Variants in TRIM23 observed in about 807,000 individuals in gnomAD.
TRIM23 encodes the protein tripartite motif containing 23.
A neutral mutation model predicts 71.0 loss-of-function variants in TRIM23; 27 were observed. That is an observed-to-expected ratio of 0.38 (90% CI 0.28 to 0.52). TRIM23 has a LOEUF of 0.52. Ranked by LOEUF, TRIM23 falls within the 20% of genes least tolerant of loss-of-function variation. TRIM23 has a pLI of 0.84. For missense variants in TRIM23, 482 were observed against 692.3 expected (o/e 0.70, Z 3.41); for synonymous variants, 234 against 238.0 (o/e 0.98, Z 0.16).
chr5:65,618,694 A>G (rs1232817871), intron 1 of TRIM23, among the ~76,000 whole-genome samples: 1 of 152,254 alleles, frequency 6.6e-6, no homozygotes, highest in Non-Finnish European at 1.5e-5. Flanking sequence ...TACTGAGATA[A>G]CAATTACCCC....
intron 10 of TRIM23, among the ~76,000 whole-genome samples, chr5:65,592,716 G>A (rs1474940717): frequency 6.6e-6 from 1 of 152,172 alleles, no homozygotes; most frequent in Non-Finnish European, 1.5e-5. Context: ...GCACACTCAT[G>A]CAAAGAGACA....
In TRIM23 at chr5:65,597,160, TCCAATGTGAA is replaced by T; in HGVS notation, c.1190_1199del (p.Val397AspfsTer11). The T allele has an allele frequency of 6.2e-7, 1 of 1,614,168 alleles. No individual in the cohort carries two copies. Among genetic ancestry groups the T allele is most frequent in the South Asian group, 1.1e-5 (1 of 91,090 alleles). ...TAACGACCCGAATTTCCATTTTTGGTCCAATGTGAACTCGATTATCCTACAATTTAAATAT... is the reference window on the plus strand; with the variant it reads ...TAACGACCCGAATTTCCATTTTTGGTCTCGATTATCCTACAATTTAAATAT... On this transcript the variant is annotated frameshift_variant, in exon 8 of 11. Transcript: ENST00000231524. LOFTEE classifies it high-confidence loss of function.
intron 8 of TRIM23, 74 bp downstream of exon 8, chr5:65,596,977 T>C: frequency 6.4e-7 from 1 of 1,567,740 alleles, no homozygotes; most frequent in Non-Finnish European, 8.7e-7. Flanking sequence ...CAGATCAGTA[T>C]CAAATAAGAC....
chr5:65,616,200 G>A (rs1283069446), intron 2 of TRIM23, among the ~76,000 whole-genome samples: 1 of 152,190 alleles, frequency 6.6e-6, no homozygotes, highest in African/African-American at 2.4e-5. Context: ...TTGGACTAGA[G>A]AGAAATTCTG....
chr5:65,605,904 C>T (rs975048359), intron 6 of TRIM23, among the ~76,000 whole-genome samples: 2 of 152,192 alleles, frequency 1.3e-5, no homozygotes, highest in Admixed American at 6.5e-5. Flanking sequence ...GCATGCCCTA[C>T]GTACAATCTG....
chr5:65,596,788 A>AC (rs1464641167), intron 8 of TRIM23, among the ~76,000 whole-genome samples: 3 of 151,134 alleles, frequency 2.0e-5, no homozygotes, highest in Non-Finnish European at 4.4e-5. Context: ...TTCCACAACT[A>AC]CCCCCCACCC....
At chr5:65,596,878 T>A (rs141970419) in intron 8 of TRIM23, among the ~76,000 whole-genome samples, 173 bp downstream of exon 8, 72 of 152,236 alleles carry the variant, frequency 4.7e-4, no homozygotes, top group African/African-American at 1.6e-3. Context: ...TTTATCCCCA[T>A]CCACATTTCA....
intron 7 of TRIM23, among the ~76,000 whole-genome samples, chr5:65,597,445 C>G (rs1420272638): frequency 6.6e-6 from 1 of 152,006 alleles, no homozygotes; most frequent in East Asian, 1.9e-4. Context: ...CAAATGAATC[C>G]TCTAAATCTT....
At chr5:65,605,078 T>C in intron 6 of TRIM23, 33 bp from the exon 7 acceptor site, 3 of 1,548,162 alleles carry the variant, frequency 1.9e-6, no homozygotes, top group Non-Finnish European at 2.6e-6. Context: ...TCTTATAAAC[T>C]TTTTATAAGA....
rs897736925 is a variant in TRIM23, at chr5:65,609,536, C to T, written c.829-78G>A. 3 of 1,434,028 alleles carry T rather than the reference C, an allele frequency of 2.1e-6. No individual in the cohort carries two copies. In the African/African-American group the frequency reaches 4.3e-5, roughly 21 times the overall value. 88.8% of individuals were successfully genotyped at this position (1,434,028 alleles called of 1,614,324 possible). ...CCTGTGAAATATTTAAAATTTCAGC[C>T]TAGGCAACATGGCAAAACTCTGTCT... On this transcript the variant is annotated intron_variant, in intron 5 of 10. Transcript: ENST00000231524.
At chr5:65,593,471 A>G (rs1331343379) in intron 10 of TRIM23, among the ~76,000 whole-genome samples, 3 of 152,190 alleles carry the variant, frequency 2.0e-5, no homozygotes, top group Non-Finnish European at 4.4e-5. Flanking sequence ...AAGTCTGAGG[A>G]TTATAAAACA....
At chr5:65,606,575 G>A (rs185824766) in intron 6 of TRIM23, among the ~76,000 whole-genome samples, 1 of 151,524 alleles carries the variant, frequency 6.6e-6, no homozygotes, top group East Asian at 1.9e-4. Flanking sequence ...TCTGTCCTTC[G>A]CTTATTCTAC....
rs1754024867 is a variant in TRIM23, at chr5:65,591,507, AAT to A, written c.*260_*261del. On this transcript the variant is annotated 3_prime_UTR_variant, in exon 11 of 11. Transcript: ENST00000231524. Reference sequence around the variant, plus strand: ...GGTCACATATTATCTGAAAAACTTAAATAACAAATATACTTTTTAAAAGAATG... The same window carrying A: ...GGTCACATATTATCTGAAAAACTTAAAACAAATATACTTTTTAAAAGAATG... 6.4e-7 allele frequency: 1 copy of A among 1,559,392 alleles called. No homozygotes were observed. Among genetic ancestry groups the A allele is most frequent in the African/African-American group, 1.4e-5 (1 of 72,536 alleles).
chr5:65,605,635 C>T (rs771381015), intron 6 of TRIM23, among the ~76,000 whole-genome samples: 55 of 151,974 alleles, frequency 3.6e-4, no homozygotes, highest in East Asian at 1.9e-4. Flanking sequence ...TACATGTATT[C>T]GTTAAAAAAA....
chr5:65,619,737 G>A lies in TRIM23; in HGVS notation c.82-1482C>T, dbSNP rs554426754. Among the ~76,000 whole-genome samples the A allele has an allele frequency of 3.3e-4, 51 of 152,264 alleles. No homozygotes were observed. In the South Asian group the frequency reaches 0.011, roughly 32 times the overall value. On this transcript the variant is annotated intron_variant, in intron 1 of 10. Transcript: ENST00000231524. ...ACATAACATTGTTCAGAGAAAAGAA[G>A]ATGAAAATTCTTTACGTGAAAAGAT...
chr5:65,602,371 G>A lies in TRIM23; in HGVS notation c.1179+2540C>T, dbSNP rs1378447238. Among the ~76,000 whole-genome samples the A allele has an allele frequency of 6.6e-5, 10 of 151,978 alleles. No individual in the cohort carries two copies. In the East Asian group the frequency reaches 9.6e-4, roughly 15 times the overall value. ...CGTTCCAGTTCCCAAAAAGTTCCTC[G>A]TCTCCCTCTGAGACCACCTCAGCCT... On this transcript the variant is annotated intron_variant, in intron 7 of 10. Transcript: ENST00000231524.
chr5:65,603,540 A>C (rs1754416399), intron 7 of TRIM23, among the ~76,000 whole-genome samples: 1 of 152,234 alleles, frequency 6.6e-6, no homozygotes, highest in South Asian at 2.1e-4. Context: ...ACTAAAACTA[A>C]GAAAAAATTC....
chr5:65,606,773 CTACTT>C (rs1478220809), intron 6 of TRIM23: 2 of 152,230 alleles, frequency 1.3e-5, no homozygotes, highest in African/African-American at 4.8e-5. Flanking sequence ...CCTGACTACT[CTACTT>C]ATTAATGCAA....
intron 1 of TRIM23, among the ~76,000 whole-genome samples, chr5:65,622,662 C>G (rs1019708212): frequency 1.3e-5 from 2 of 152,106 alleles, no homozygotes. Context: ...TTAGTTTATG[C>G]TACTATACCT....
Sources: gnomAD v4.1 joint callset for allele counts (sites outside exome capture counted in the v4.1 genomes callset) on GRCh38, gnomAD v4.1.1 for gene constraint, MANE v1.5 for transcripts, NCBI Gene and HGNC (gene_info 2026-07-23, HGNC 2026-07-21) for gene names.